Variants in PDE4D observed in about 807,000 individuals in gnomAD.
The protein encoded by PDE4D is 3',5'-cyclic-AMP phosphodiesterase 4D.
PDE4D carries 24 observed loss-of-function variants against 87.4 expected under a neutral mutation model. That is an observed-to-expected ratio of 0.27 (90% confidence interval 0.20 to 0.39). The LOEUF is 0.39. PDE4D is among the 10% of genes least tolerant of loss of function. The pLI is 1.00. For synonymous variants in PDE4D, 384 were observed against 383.2 expected (o/e 1.00, Z -0.02); for missense variants, 714 against 1,041.0 (o/e 0.69, Z 4.32).
intron 1 of PDE4D, among the ~76,000 whole-genome samples, chr5:59,624,241 T>C (rs957737144): frequency 6.6e-6 from 1 of 152,184 alleles, no homozygotes; most frequent in Non-Finnish European, 1.5e-5. Flanking sequence ...CCTAATTCCA[T>C]CCCCTGTTCC....
At chr5:59,799,188 AC>A (rs1172467966) in intron 1 of PDE4D, among the ~76,000 whole-genome samples, 2 of 152,130 alleles carry the variant, frequency 1.3e-5, no homozygotes, top group African/African-American at 4.8e-5. Context: ...AAGTAACCAC[AC>A]CCCCAGCCCC....
intron 1 of PDE4D, among the ~76,000 whole-genome samples, chr5:59,819,127 T>C (rs940384970): frequency 2.0e-5 from 3 of 152,200 alleles, no homozygotes; most frequent in Non-Finnish European, 4.4e-5. Context: ...TTAAAATGAG[T>C]AAATAATATT....
intron 2 of PDE4D, among the ~76,000 whole-genome samples, chr5:59,200,214 C>A (rs556813344): frequency 1.4e-5 from 2 of 140,612 alleles, no homozygotes; most frequent in Non-Finnish European, 3.1e-5. Flanking sequence ...TATAGATACA[C>A]GTGTATGTAT....
chr5:60,017,953 T>C (rs543797632), intron 2 of PDE4D, among the ~76,000 whole-genome samples: 304 of 152,268 alleles, frequency 2.0e-3, no homozygotes, highest in African/African-American at 7.0e-3. Flanking sequence ...GCCTCAACAG[T>C]ATCTGTTGTT....
chr5:59,511,683 C>T (rs1005725028), intron 1 of PDE4D, among the ~76,000 whole-genome samples: 4 of 151,798 alleles, frequency 2.6e-5, no homozygotes, highest in Non-Finnish European at 5.9e-5. Flanking sequence ...TTGCTTTTTT[C>T]ACTTTGATAA....
intron 1 of PDE4D, among the ~76,000 whole-genome samples, chr5:60,507,866 G>A (rs1750391886): frequency 6.6e-6 from 1 of 152,130 alleles, no homozygotes; most frequent in South Asian, 2.1e-4. Flanking sequence ...AGACCCCTTG[G>A]AGCTCATCCT....
intron 1 of PDE4D, among the ~76,000 whole-genome samples, chr5:59,283,425 A>G (rs1335742666): frequency 6.6e-6 from 1 of 152,058 alleles, no homozygotes; most frequent in Non-Finnish European, 1.5e-5. Flanking sequence ...AAAGATACAA[A>G]CCTTAAAATG....
At chr5:59,722,222 C>T (rs555963805) in intron 1 of PDE4D, among the ~76,000 whole-genome samples, 14 of 152,182 alleles carry the variant, frequency 9.2e-5, no homozygotes, top group Non-Finnish European at 1.9e-4. Context: ...TAGGACAATG[C>T]CAAAAATGGC....
chr5:60,043,295 T>C (rs1768741353), intron 2 of PDE4D, among the ~76,000 whole-genome samples: 1 of 151,988 alleles, frequency 6.6e-6, no homozygotes, highest in African/African-American at 2.4e-5. Flanking sequence ...TATGGGACTA[T>C]GTGAAAAAAA....
intron 1 of PDE4D, among the ~76,000 whole-genome samples, chr5:60,192,949 T>C (rs1785311689): frequency 6.6e-6 from 1 of 152,234 alleles, no homozygotes; most frequent in Non-Finnish European, 1.5e-5. Context: ...TTCTCATTTG[T>C]TTGTTTTTCA....
rs186812837 is a variant in PDE4D at position 59,455,074 on chromosome 5, T to C, written c.456-239106A>G. Among the ~76,000 whole-genome samples, 27 of 152,288 alleles carry C rather than the reference T, an allele frequency of 1.8e-4. No homozygotes were observed. In the East Asian group the frequency reaches 4.8e-3, roughly 27 times the overall value. ...GAAAATTTGCAGCCTGACAATGCGA[T>C]AGAAAAGAAAATCCCATTTTCTGTG... On this transcript the variant is annotated intron_variant, in intron 1 of 14. Coordinates refer to ENST00000340635, the MANE Select transcript of PDE4D (RefSeq NM_001104631.2).
chr5:59,860,713 T>C lies in PDE4D; in HGVS notation c.455+32455A>G, dbSNP rs563691719. Among the ~76,000 whole-genome samples, 367 of 152,212 alleles carry C rather than the reference T, an allele frequency of 2.4e-3. 1 individual carries two copies. Among genetic ancestry groups the C allele is most frequent in the Non-Finnish European group, 4.1e-3 (281 of 68,004 alleles). ...AGCATAAACATAATTGCAAATAAAATATAAACCGAAGGTCCTCCAAAGAAT... is the reference window on the plus strand; with the variant it reads ...AGCATAAACATAATTGCAAATAAAACATAAACCGAAGGTCCTCCAAAGAAT... On this transcript the variant is annotated intron_variant, in intron 1 of 14. Transcript: ENST00000340635.
At chr5:59,017,418 G>A (rs1452598062) in intron 6 of PDE4D, among the ~76,000 whole-genome samples, 1 of 152,106 alleles carries the variant, frequency 6.6e-6, no homozygotes, top group Non-Finnish European at 1.5e-5. Flanking sequence ...AGAAGACCGG[G>A]GGAGGTACGG....
chr5:59,840,233 G>GCC (rs1430863688), intron 1 of PDE4D, among the ~76,000 whole-genome samples: 1 of 118,226 alleles, frequency 8.5e-6, no homozygotes, highest in African/African-American at 3.9e-5. Context: ...CACGTGCACT[G>GCC]CCACACACAC....
chr5:59,429,580 T>C (rs1197385827), intron 1 of PDE4D, among the ~76,000 whole-genome samples: 1 of 152,168 alleles, frequency 6.6e-6, no homozygotes, highest in East Asian at 1.9e-4. Flanking sequence ...ATTTTCATTA[T>C]GTGGATTCAT....
chr5:59,763,398 T>A (rs1164587321), intron 1 of PDE4D, among the ~76,000 whole-genome samples: 4 of 151,228 alleles, frequency 2.6e-5, no homozygotes, highest in Non-Finnish European at 5.9e-5. Context: ...TATGAAAAAA[T>A]TATAACTTAA....
At chr5:60,472,661 C>T (rs1747899754) in intron 1 of PDE4D, among the ~76,000 whole-genome samples, 1 of 152,120 alleles carries the variant, frequency 6.6e-6, no homozygotes, top group African/African-American at 2.4e-5. Flanking sequence ...AGTGCTTCCA[C>T]TCAAGCCTAT....
intron 1 of PDE4D, among the ~76,000 whole-genome samples, chr5:59,431,325 G>C (rs531577210): frequency 5.3e-4 from 81 of 152,222 alleles, no homozygotes; most frequent in African/African-American, 1.9e-3. Flanking sequence ...AGTTTTTCTA[G>C]CCTTTATGCC....
intron 1 of PDE4D, among the ~76,000 whole-genome samples, chr5:60,273,789 G>A (rs1195412273): frequency 1.3e-5 from 2 of 152,122 alleles, no homozygotes; most frequent in African/African-American, 4.8e-5. Context: ...AGGAGACGCA[G>A]ACATGGTAGG....
Sources: allele counts gnomAD v4.1 joint callset (sites outside exome capture counted in the v4.1 genomes callset), GRCh38; gene constraint gnomAD v4.1.1; transcripts MANE v1.5; gene names NCBI Gene and HGNC (gene_info 2026-07-23, HGNC 2026-07-21).